TGFA: variants seen among roughly 807,000 people sequenced by gnomAD.
TGFA encodes the protein transforming growth factor alpha.
In TGFA, 12 loss-of-function variants were observed where a neutral mutation model predicts 21.7. The observed-to-expected ratio is 0.55, with a 90% CI of 0.35 to 0.90. TGFA has a LOEUF of 0.90. Among genes scored for constraint, TGFA ranks in the 40% least tolerant of loss-of-function variants. The pLI is 0.01. For synonymous variants in TGFA, 79 were observed against 88.1 expected, an observed-to-expected ratio of 0.90 and a Z score of 0.58; for missense variants, 178 against 210.8, an observed-to-expected ratio of 0.84 and a Z score of 0.96.
intron 1 of TGFA, 75 bp downstream of exon 1, chr2:70,553,652 GA>G: frequency 7.6e-7 from 1 of 1,319,464 alleles, no homozygotes; most frequent in South Asian, 2.2e-5. Flanking sequence ...GAAACCCCCG[GA>G]AAGGGGAACT....
At chr2:70,551,888 T>C (rs551943081) in intron 1 of TGFA, among the ~76,000 whole-genome samples, 1 of 152,316 alleles carries the variant, frequency 6.6e-6, no homozygotes, top group South Asian at 2.1e-4. Context: ...GCAGTCTTTG[T>C]GGGCGAGAAT....
intron 1 of TGFA, among the ~76,000 whole-genome samples, chr2:70,530,811 G>A (rs1553503640): frequency 6.6e-6 from 1 of 152,224 alleles, no homozygotes; most frequent in Non-Finnish European, 1.5e-5. Flanking sequence ...GGTCCACAAG[G>A]ACCAAAGCAA....
chr2:70,477,736 G>A (rs1460981094), intron 2 of TGFA, among the ~76,000 whole-genome samples: 1 of 152,166 alleles, frequency 6.6e-6, no homozygotes, highest in Non-Finnish European at 1.5e-5. Flanking sequence ...AGGACATGGA[G>A]GAGGGAGGAG....
At chr2:70,496,032 A>G (rs11466225) in intron 2 of TGFA, among the ~76,000 whole-genome samples, 42,170 of 151,978 alleles carry the variant, frequency 0.28, 6,540 homozygotes, top group East Asian at 0.39. Context: ...TTCCAACCAG[A>G]GGCTCCTGAG....
chr2:70,471,053 C>T (rs561019734), intron 2 of TGFA, among the ~76,000 whole-genome samples: 6 of 151,872 alleles, frequency 4.0e-5, no homozygotes, highest in East Asian at 3.9e-4. Flanking sequence ...ACACTGCACA[C>T]GAACATGCAC....
chr2:70,473,810 C>T (rs919653771), intron 2 of TGFA, among the ~76,000 whole-genome samples: 2 of 152,008 alleles, frequency 1.3e-5, no homozygotes, highest in African/African-American at 4.8e-5. Context: ...GCCTGCAGTA[C>T]CATCATTTAA....
chr2:70,476,109 T>TAAAAAAAAAAAAAAAAAAAA (rs1670926055), intron 2 of TGFA, among the ~76,000 whole-genome samples: 1 of 78,502 alleles, frequency 1.3e-5, no homozygotes. Flanking sequence ...AAAAAAAAAT[T>TAAAAAAAAAAAAAAAAAAAA]AAGAAAATTA....
intron 2 of TGFA, among the ~76,000 whole-genome samples, chr2:70,497,050 C>T (rs975526347): frequency 2.6e-5 from 4 of 152,070 alleles, no homozygotes; most frequent in Non-Finnish European, 5.9e-5. Flanking sequence ...AAAGAGCATT[C>T]CAGGCAGAAG....
chr2:70,519,676 G>A (rs782317820), intron 1 of TGFA, among the ~76,000 whole-genome samples: 2 of 152,138 alleles, frequency 1.3e-5, no homozygotes, highest in African/African-American at 4.8e-5. Context: ...GAAAAATCTC[G>A]GGAAATACTT....
Position 70,453,305 on chromosome 2 carries a change from A to G in TGFA, c.388T>C (p.Cys130Arg), listed in dbSNP as rs1553489982. The change falls in exon 5 of 6, where the codon TGT becomes CGT. Residue 130 changes from cysteine (C) to arginine (R), a missense_variant. Physicochemically the swap from Cys to Arg is radical, Grantham distance 180. Transcript: ENST00000295400. ...LIHCCQVRKH[C>R]EWCRALICRH... ...CAGATGAGGGCCCGGCACCACTCACAGTGTTTTCGGACCTGGCAGCAGCTG... is the reference window on the plus strand; with the variant it reads ...CAGATGAGGGCCCGGCACCACTCACGGTGTTTTCGGACCTGGCAGCAGCTG... 3.1e-6 allele frequency: 5 copies of G among 1,613,854 alleles called. No homozygotes were observed. Among genetic ancestry groups the G allele is most frequent in the African/African-American group, 1.3e-5 (1 of 75,060 alleles).
chr2:70,457,120 G>T (rs1261610671), intron 3 of TGFA, among the ~76,000 whole-genome samples: 3 of 152,194 alleles, frequency 2.0e-5, no homozygotes, highest in Admixed American at 2.0e-4. Context: ...GTCTGAATGT[G>T]CGTGTAGCCT....
intron 2 of TGFA, among the ~76,000 whole-genome samples, chr2:70,498,384 G>A (rs782542717): frequency 2.0e-5 from 3 of 152,250 alleles, no homozygotes; most frequent in African/African-American, 7.2e-5. Context: ...GAAATAGGCT[G>A]CAGGAAGAGG....
At chr2:70,498,154 G>A (rs191562128) in intron 2 of TGFA, among the ~76,000 whole-genome samples, 79 of 152,372 alleles carry the variant, frequency 5.2e-4, no homozygotes, top group Admixed American at 4.6e-3. Flanking sequence ...GGGTGAAAGA[G>A]CTGGAGCAGC....
At position 70,457,602 on chromosome 2, in the gene TGFA, C is replaced by T. The variant is rs905547941; in HGVS notation, c.216-1114G>A. ...TTGTGCCCAGCCTGGAGTGCAGTGG[C>T]GGGATCTCGGCTCACTGCAACCTCC... On this transcript the variant is annotated intron_variant, in intron 3 of 5. Coordinates refer to ENST00000295400, the MANE Select transcript of TGFA (RefSeq NM_003236.4). 9.4e-5 allele frequency among the ~76,000 whole-genome samples: 14 copies of T among 149,506 alleles called. No individual in the cohort carries two copies. The East Asian group carries it at 9.9e-4, about 11-fold the overall frequency.
intron 2 of TGFA, among the ~76,000 whole-genome samples, chr2:70,499,497 C>A (rs782443767): frequency 4.6e-5 from 7 of 152,174 alleles, no homozygotes; most frequent in Non-Finnish European, 7.3e-5. Context: ...CCTGACTGAA[C>A]CTTTTAGTCT....
chr2:70,532,365 A>C (rs3771479), intron 1 of TGFA, among the ~76,000 whole-genome samples: 2 of 152,136 alleles, frequency 1.3e-5, no homozygotes, highest in African/African-American at 2.4e-5. Flanking sequence ...TTCACGGCCA[A>C]GCAGGGAGGC....
intron 2 of TGFA, among the ~76,000 whole-genome samples, chr2:70,495,079 T>C (rs1452703459): frequency 6.6e-6 from 1 of 152,260 alleles, no homozygotes; most frequent in Non-Finnish European, 1.5e-5. Context: ...ATTTAAAAAG[T>C]ATTTCAATCA....
chr2:70,545,210 CACGAAGGAG>C (rs1271165146), intron 1 of TGFA, among the ~76,000 whole-genome samples: 2 of 151,296 alleles, frequency 1.3e-5, no homozygotes, highest in African/African-American at 2.4e-5. Flanking sequence ...AGATGAAGGA[CACGAAGGAG>C]ACGAAGGAGA....
At chr2:70,517,593 A>G (rs1672324801) in intron 1 of TGFA, among the ~76,000 whole-genome samples, 1 of 152,202 alleles carries the variant, frequency 6.6e-6, no homozygotes, top group South Asian at 2.1e-4. Context: ...AGTCATAGAG[A>G]TGAAGAAACT....
Sources: allele counts gnomAD v4.1 joint callset (sites outside exome capture counted in the v4.1 genomes callset), GRCh38; gene constraint gnomAD v4.1.1; transcripts MANE v1.5; gene names NCBI Gene and HGNC (gene_info 2026-07-23, HGNC 2026-07-21).